Variants in ADCY1 observed in about 807,000 individuals in gnomAD.
ADCY1 encodes adenylate cyclase type 1.
A neutral mutation model predicts 105.4 loss-of-function variants in ADCY1; 28 were observed. The ratio of observed to expected loss-of-function variants is 0.27; its 90% CI spans 0.20 to 0.36. The LOEUF (loss-of-function observed/expected upper bound fraction) is 0.36, where lower values mean the gene tolerates loss of function less well. ADCY1 is among the 10% of genes least tolerant of loss of function. ADCY1 has a pLI of 1.00. For missense variants in ADCY1, 977 were observed against 1,434.2 expected, an observed-to-expected ratio of 0.68 and a Z score of 5.15; for synonymous variants, 655 against 623.8, an observed-to-expected ratio of 1.05 and a Z score of -0.75.
At chr7:45,656,981 AT>A (rs1453272380) in intron 5 of ADCY1, among the ~76,000 whole-genome samples, 5 of 152,272 alleles carry the variant, frequency 3.3e-5, no homozygotes, top group Non-Finnish European at 5.9e-5. Context: ...AAACTGAGGC[AT>A]AGAGATGGGC....
rs4209 is a variant in ADCY1 at position 45,723,088 on chromosome 7, A to AAAT, written c.*9096_*9098dup. ...TACTTTCTGGAATCTTATTTAACAA[A>AAAT]AATAAAGGGAAAAAATTGCTTGACT... On this transcript the variant is annotated 3_prime_UTR_variant, in exon 20 of 20. Transcript: ENST00000297323. The AAAT allele has an allele frequency of 0.17, 25,439 of 152,564 alleles. 2,684 individuals carry two copies. Among genetic ancestry groups the AAAT allele is most frequent in the Non-Finnish European group, 0.23 (15,750 of 67,950 alleles). 9.5% of individuals were successfully genotyped at this position (152,564 alleles called of 1,614,324 possible).
In ADCY1 at chr7:45,703,033, G is replaced by A. The variant is rs372034816; in HGVS notation, c.2455-343G>A. 6.6e-6 allele frequency among the ~76,000 whole-genome samples: 1 copy of A among 152,226 alleles called. No homozygotes were observed. Among genetic ancestry groups the A allele is most frequent in the Non-Finnish European group, 1.5e-5 (1 of 68,034 alleles). ...CACATCAGGAGCTGCCTGGGGGCTGGTGGAGCCTGTGGATGGGCACATGCC... is the reference window on the plus strand; with the variant it reads ...CACATCAGGAGCTGCCTGGGGGCTGATGGAGCCTGTGGATGGGCACATGCC... On this transcript the variant is annotated intron_variant, in intron 14 of 19. Transcript: ENST00000297323. This position sits in a 1 kb window ranked among gnomAD's most constrained non-coding sequence, Gnocchi z 5.9.
intron 14 of ADCY1, among the ~76,000 whole-genome samples, chr7:45,697,952 A>G (rs993807215): frequency 1.7e-4 from 26 of 152,138 alleles, no homozygotes; most frequent in African/African-American, 5.5e-4. Context: ...ATTTGAGCTG[A>G]TTTGCCCTCC....
chr7:45,652,077 C>T (rs2116076099), intron 5 of ADCY1, among the ~76,000 whole-genome samples: 1 of 152,220 alleles, frequency 6.6e-6, no homozygotes, highest in Non-Finnish European at 1.5e-5. Context: ...AAAGGGGAGG[C>T]AAGCACGTCT....
chr7:45,650,447 T>G lies in ADCY1; in HGVS notation c.1148+1650T>G, dbSNP rs572036826. Among the ~76,000 whole-genome samples the G allele has an allele frequency of 8.5e-5, 13 of 152,284 alleles. No homozygotes were observed. In the East Asian group the frequency reaches 2.3e-3, roughly 27 times the overall value. ...AAATGAGGCTCTGTAGGTGGATGCT[T>G]TAAGGAGACAGATGTCAGTCCATTT... On this transcript the variant is annotated intron_variant, in intron 5 of 19. Transcript: ENST00000297323.
intron 8 of ADCY1, among the ~76,000 whole-genome samples, chr7:45,671,193 G>C (rs1181774720): frequency 6.6e-6 from 1 of 152,180 alleles, no homozygotes; most frequent in African/African-American, 2.4e-5. Flanking sequence ...TACAGTATGT[G>C]ATCTCTGAAA....
intron 1 of ADCY1, among the ~76,000 whole-genome samples, chr7:45,587,200 A>C (rs1792756587): frequency 6.6e-6 from 1 of 152,168 alleles, no homozygotes. Context: ...CTCTGGGCCA[A>C]GGTGGCAGTG....
At chr7:45,654,235 C>G (rs1010442489) in intron 5 of ADCY1, among the ~76,000 whole-genome samples, 11 of 152,178 alleles carry the variant, frequency 7.2e-5, no homozygotes, top group African/African-American at 1.9e-4. Context: ...ATGGGGGAAG[C>G]CTTGTTCGTC....
At chr7:45,644,297 G>T (rs1794601806) in intron 4 of ADCY1, among the ~76,000 whole-genome samples, 1 of 152,222 alleles carries the variant, frequency 6.6e-6, no homozygotes, top group Non-Finnish European at 1.5e-5. Flanking sequence ...CTGAGCCACT[G>T]ACTCTCTGCT....
intron 3 of ADCY1, among the ~76,000 whole-genome samples, chr7:45,611,216 T>C (rs1451759865): frequency 6.6e-6 from 1 of 151,214 alleles, no homozygotes; most frequent in East Asian, 1.9e-4. Flanking sequence ...GGACAAAGGG[T>C]CTCAGTTGTG....
At chr7:45,634,679 A>G (rs555268402) in intron 4 of ADCY1, among the ~76,000 whole-genome samples, 1 of 152,302 alleles carries the variant, frequency 6.6e-6, no homozygotes, top group East Asian at 1.9e-4. Context: ...CACATTCAAT[A>G]CAAAGTGCCT....
At chr7:45,598,276 G>T (rs1363891545) in intron 2 of ADCY1, among the ~76,000 whole-genome samples, 3 of 152,204 alleles carry the variant, frequency 2.0e-5, no homozygotes. Flanking sequence ...CCACATGGCT[G>T]TTTCCTCCTT....
At position 45,715,238 on chromosome 7, in the gene ADCY1, G is replaced by C. The variant is rs1036843431; in HGVS notation, c.*1243G>C. 2.6e-5 allele frequency: 4 copies of C among 152,496 alleles called. No individual in the cohort carries two copies. Among genetic ancestry groups the C allele is most frequent in the African/African-American group, 9.6e-5 (4 of 41,458 alleles). 9.4% of individuals were successfully genotyped at this position (152,496 alleles called of 1,614,324 possible). A position where few individuals can be genotyped will look rare whatever the true frequency, so the allele number is the denominator to read the frequency against. ...TCCAGAAATAGTGGACAGAGGTCTGGCATGTGGAAACCTTGGATCTCGGTC... is the reference window on the plus strand; with the variant it reads ...TCCAGAAATAGTGGACAGAGGTCTGCCATGTGGAAACCTTGGATCTCGGTC... On this transcript the variant is annotated 3_prime_UTR_variant, in exon 20 of 20. Coordinates refer to ENST00000297323, the MANE Select transcript of ADCY1 (RefSeq NM_021116.4).
At position 45,622,681 on chromosome 7, in the gene ADCY1, A is replaced by G. The variant is rs900418782; in HGVS notation, c.958A>G (p.Thr320Ala). ...TTTCACGGGCTTGGCATCCCAGTGC[A>G]CAGCCCAGGAGCTGGTGAAACTCCT... Reference protein sequence around the residue: ...VGFTGLASQCTAQELVKLLNE... With the variant: ...VGFTGLASQCAAQELVKLLNE... The change falls in exon 4 of 20, where the codon ACA (threonine) becomes GCA (alanine). Residue 320 changes from threonine (T) to alanine (A), a missense_variant. Transcript: ENST00000297323. 1.2e-6 allele frequency: 2 copies of G among 1,614,028 alleles called. No homozygotes were observed. The highest frequency in any genetic ancestry group is 1.7e-6 in the Non-Finnish European group (2 of 1,180,030).
At chr7:45,625,724 CT>C (rs35222941) in intron 4 of ADCY1, among the ~76,000 whole-genome samples, 60,759 of 151,722 alleles carry the variant, frequency 0.4, 12,550 homozygotes, top group East Asian at 0.71. Context: ...ATGTATGTGC[CT>C]TGTGTGTCCC....
chr7:45,649,701 G>A (rs944955058), intron 5 of ADCY1, among the ~76,000 whole-genome samples: 6 of 152,200 alleles, frequency 3.9e-5, no homozygotes, highest in African/African-American at 1.4e-4. Flanking sequence ...GGAAGGAGGC[G>A]GTTGGGAGGA....
intron 18 of ADCY1, among the ~76,000 whole-genome samples, chr7:45,709,863 G>C (rs896347922): frequency 3.3e-5 from 5 of 152,308 alleles, no homozygotes; most frequent in Admixed American, 2.0e-4. Flanking sequence ...GGAAGTCCAG[G>C]CTCAGAGAGG....
chr7:45,626,792 C>G lies in ADCY1; in HGVS notation c.1020+4049C>G, dbSNP rs376274251. On this transcript the variant is annotated intron_variant, in intron 4 of 19. Transcript: ENST00000297323. The stretch of plus-strand genomic sequence containing the variant: ...GACCACATGGGAGCAGAGGGGAGCT[C>G]GATTAGGGATCTCACCAGCCAGGCA... 4.6e-5 allele frequency among the ~76,000 whole-genome samples: 7 copies of G among 152,270 alleles called. No individual in the cohort carries two copies. The East Asian group carries it at 1.4e-3, about 29-fold the overall frequency.
chr7:45,602,555 A>T (rs1001962836), intron 2 of ADCY1, among the ~76,000 whole-genome samples: 17 of 152,254 alleles, frequency 1.1e-4, no homozygotes, highest in African/African-American at 4.1e-4. Context: ...AACAATTTTG[A>T]GTTCTCATCA....
Sources: gnomAD v4.1 joint callset for allele counts (sites outside exome capture counted in the v4.1 genomes callset) on GRCh38, gnomAD v4.1.1 for gene constraint, Gnocchi (gnomAD v3.1) non-coding constraint, MANE v1.5 for transcripts, NCBI Gene and HGNC (gene_info 2026-07-23, HGNC 2026-07-21) for gene names.